Variants in GCDH observed in about 807,000 individuals in gnomAD.
GCDH encodes the protein glutaryl-CoA dehydrogenase, mitochondrial.
A neutral mutation model predicts 52.8 loss-of-function variants in GCDH; 31 were observed. The ratio of observed to expected loss-of-function variants is 0.59; its 90% CI spans 0.44 to 0.79. The LOEUF is 0.79. Ranked by LOEUF, GCDH falls within the 30% of genes least tolerant of loss-of-function variation. GCDH has a pLI of 0.00. For missense variants in GCDH, 509 were observed against 595.0 expected (o/e 0.86, Z 1.50); for synonymous variants, 242 against 250.0 (o/e 0.97, Z 0.30).
At chr19:12,892,313 A>C (rs540674462) in intron 5 of GCDH, 135 bp downstream of exon 5, 155 of 816,172 alleles carry the variant, frequency 1.9e-4, no homozygotes, top group African/African-American at 3.7e-4. Context: ...TTCCCCCCCA[A>C]CAGAGTCTGG....
chr19:12,891,906 G>A lies in GCDH; in HGVS notation c.203G>A (p.Arg68Lys), dbSNP rs1417389111. 6.2e-7 allele frequency: 1 copy of A among 1,614,216 alleles called. No individual in the cohort carries two copies. The highest frequency in any genetic ancestry group is 1.3e-5 in the African/African-American group (1 of 75,060). Residue 68 changes from arginine to lysine, a missense_variant, in exon 4 of 12, where the codon AGG (arginine) becomes AAG (lysine). By Grantham distance (26) the Arg-to-Lys change is conservative. Transcript: ENST00000222214. ...CTGACCACAGATGAGATCCTCATCA[G>A]GGACACCTTCCGCACCTACTGCCAG... ...EQLTTDEILI[R>K]DTFRTYCQER...
intron 6 of GCDH, chr19:12,894,779 A>C (rs1970635998): frequency 1.3e-6 from 1 of 793,478 alleles, no homozygotes; most frequent in African/African-American, 1.8e-5. Context: ...TTTGGCCAAG[A>C]GAATGAAGGA....
chr19:12,899,986 C>T lies in GCDH; in HGVS notation c.*445C>T, dbSNP rs374710434. The stretch of plus-strand genomic sequence containing the variant: ...CACATCTGACCCCAAGGTGTCAGGC[C>T]GGTTTACTGGTAACCACCTGAGAAG... On this transcript the variant is annotated 3_prime_UTR_variant, in exon 12 of 12. Transcript: ENST00000222214. 9.3e-5 allele frequency: 150 copies of T among 1,612,794 alleles called. 2 individuals carry two copies. The highest frequency in any genetic ancestry group is 5.8e-4 in the East Asian group (26 of 44,882).
chr19:12,897,268 C>T (rs752246593), intron 9 of GCDH, 35 bp from the exon 10 acceptor site: 3 of 1,612,722 alleles, frequency 1.9e-6, no homozygotes, highest in Admixed American at 3.3e-5. Flanking sequence ...GAGAGTGGGC[C>T]TCCCCTCGCT....
intron 11 of GCDH, among the ~76,000 whole-genome samples, chr19:12,898,568 GA>G (rs1178414806): frequency 6.6e-6 from 1 of 151,064 alleles, no homozygotes; most frequent in African/African-American, 2.4e-5. Flanking sequence ...TGACCCTGAG[GA>G]CAAGCAGCGG....
chr19:12,892,279 C>G (rs775696524), intron 5 of GCDH, 101 bp downstream of exon 5: 1 of 1,070,570 alleles, frequency 9.3e-7, no homozygotes, highest in South Asian at 1.3e-5. Flanking sequence ...TCTTTCTTTT[C>G]TTTTCCTTTT....
In GCDH at chr19:12,891,301, G is replaced by C. The variant is rs371464666; in HGVS notation, c.-4G>C. 5.1e-5 allele frequency: 82 copies of C among 1,604,822 alleles called. No homozygotes were observed. The African/African-American group carries it at 9.2e-4, about 18-fold the overall frequency. Reference sequence around the variant, plus strand: ...CGTCGTTGCTCCGCTCGCTCTGAGAGAGCATGGCCCTGAGAGGCGTCTCCG... The same window carrying C: ...CGTCGTTGCTCCGCTCGCTCTGAGACAGCATGGCCCTGAGAGGCGTCTCCG... On this transcript the variant is annotated 5_prime_UTR_variant, in exon 2 of 12. Transcript: ENST00000222214.
At position 12,892,189 on chromosome 19, in the gene GCDH, G is replaced by A; in HGVS notation, c.334+11G>A. The A allele has an allele frequency of 1.9e-6, 3 of 1,609,812 alleles. No homozygotes were observed. The highest frequency in any genetic ancestry group is 1.7e-6 in the Non-Finnish European group (2 of 1,176,088). On this transcript the variant is annotated intron_variant, in intron 5 of 11. Transcript: ENST00000222214. ...GCCCCACCATCAAAGGTAGGAACAA[G>A]TATCTCTCCACACACTGCAGAACCC...
Position 12,899,885 on chromosome 19 carries a change from T to C in GCDH, c.*344T>C. 3.0e-6 allele frequency: 3 copies of C among 1,016,800 alleles called. No individual in the cohort carries two copies. The highest frequency in any genetic ancestry group is 3.8e-5 in the East Asian group (1 of 26,172). The allele number at this position is 1,016,800 out of a possible 1,614,324, so 63.0% of individuals were successfully genotyped here. ...CTCACACTGAGTTCACAGTGCGCCC[T>C]CCCTCCCTCCCATCTGGGGGTAGTG... On this transcript the variant is annotated 3_prime_UTR_variant, in exon 12 of 12. Coordinates refer to ENST00000222214, the MANE Select transcript of GCDH (RefSeq NM_000159.4).
In GCDH at chr19:12,893,669, T is replaced by A; in HGVS notation, c.505+16T>A. ...CCCCAGCTGGGTGAGTGGCTGCCCA[T>A]GGGGCCTGGTGGAAGGAAGACAGTC... On this transcript the variant is annotated intron_variant, in intron 6 of 11. Coordinates refer to ENST00000222214, the MANE Select transcript of GCDH (RefSeq NM_000159.4). 6.2e-7 allele frequency: 1 copy of A among 1,608,398 alleles called. No homozygotes were observed. The highest frequency in any genetic ancestry group is 8.5e-7 in the Non-Finnish European group (1 of 1,174,998).
At chr19:12,893,411 C>T (rs1970600810) in intron 5 of GCDH, 72 bp from the exon 6 acceptor site, 7 of 1,350,496 alleles carry the variant, frequency 5.2e-6, no homozygotes, top group Non-Finnish European at 7.4e-6. Context: ...CTTATTCAGC[C>T]CTGTCTCTTG....
upstream of GCDH, chr19:12,891,138 G>A (rs1970543443): frequency 1.6e-6 from 1 of 637,400 alleles, no homozygotes; most frequent in East Asian, 2.7e-5. Flanking sequence ...CCCACTTCTT[G>A]CTGAGGTCAA....
chr19:12,894,749 G>T, intron 6 of GCDH: 1 of 833,796 alleles, frequency 1.2e-6, no homozygotes, highest in Non-Finnish European at 1.8e-6. Flanking sequence ...TAAAGAAGAG[G>T]CTGCAGAATA....
Position 12,893,724 on chromosome 19 carries a change from G to A in GCDH, c.505+71G>A, listed in dbSNP as rs934131055. 5 of 1,370,060 alleles carry A rather than the reference G, an allele frequency of 3.6e-6. No individual in the cohort carries two copies. In the African/African-American group the frequency reaches 5.7e-5, roughly 16 times the overall value. The allele number at this position is 1,370,060 out of a possible 1,614,324, so 84.9% of individuals were successfully genotyped here. A position where few individuals can be genotyped will look rare whatever the true frequency, so the allele number is the denominator to read the frequency against. The stretch of plus-strand genomic sequence containing the variant: ...AGGTCTGGAACTCAAGGGTGGGGCT[G>A]TCCCCTGAGCCTATTCTGTCCCTAT... On this transcript the variant is annotated intron_variant, in intron 6 of 11. Transcript: ENST00000222214.
chr19:12,897,555 T>C lies in GCDH; in HGVS notation c.1082+127T>C, dbSNP rs1568428937. On this transcript the variant is annotated intron_variant, in intron 10 of 11. Transcript: ENST00000222214. ...CCTGAACCTTCTGCTGTCCCTCTTGTCCTTGATGGGCTGGGCTGAGGACAG... is the reference window on the plus strand; with the variant it reads ...CCTGAACCTTCTGCTGTCCCTCTTGCCCTTGATGGGCTGGGCTGAGGACAG... 2.1e-6 allele frequency: 3 copies of C among 1,437,722 alleles called. No homozygotes were observed. In the East Asian group the frequency reaches 6.8e-5, roughly 33 times the overall value. The allele number at this position is 1,437,722 out of a possible 1,614,324, so 89.1% of individuals were successfully genotyped here.
At chr19:12,897,921 G>A (rs1401164086) in intron 11 of GCDH, 58 bp downstream of exon 11, 2 of 1,475,558 alleles carry the variant, frequency 1.4e-6, no homozygotes, top group East Asian at 4.6e-5. Context: ...AGGGGGTACA[G>A]GGAGGTGGGA....
Position 12,891,969 on chromosome 19 carries a change from A to G in GCDH, c.266A>G (p.Asn89Ser). Residue 89 changes from asparagine to serine, a missense_variant, in exon 4 of 12, where the codon AAC becomes AGC. Transcript: ENST00000222214. Reference protein sequence around the residue: ...LMPRILLANRNEVFHREIISE... With the variant: ...LMPRILLANRSEVFHREIISE... ...CCTCGCATCCTGTTGGCCAATCGCA[A>G]CGAAGGTGGGCGGGCTGGTGGGTGC... 3 of 1,614,222 alleles carry G rather than the reference A, an allele frequency of 1.9e-6. No individual in the cohort carries two copies. The South Asian group carries it at 3.3e-5, about 18-fold the overall frequency.
rs1970706192 is a variant in GCDH, at chr19:12,897,299, G to T, written c.957-4G>T. On this transcript the variant is annotated splice_region_variant and splice_polypyrimidine_tract_variant and intron_variant, in intron 9 of 11. Coordinates refer to ENST00000222214, the MANE Select transcript of GCDH (RefSeq NM_000159.4). ...TCGCTCTTACCCTGCCATTGCCCAT[G>T]TAGGATGCAGTTTGGTGTCCCACTG... The T allele has an allele frequency of 6.2e-7, 1 of 1,613,604 alleles. No homozygotes were observed. The highest frequency in any genetic ancestry group is 8.5e-7 in the Non-Finnish European group (1 of 1,179,998).
intron 6 of GCDH, among the ~76,000 whole-genome samples, chr19:12,895,335 C>T (rs1026411165): frequency 6.6e-6 from 1 of 152,160 alleles, no homozygotes; most frequent in African/African-American, 2.4e-5. Flanking sequence ...TCTTGGCTCA[C>T]TGCAACCTGC....
Sources: allele counts gnomAD v4.1 joint callset (sites outside exome capture counted in the v4.1 genomes callset), GRCh38; gene constraint gnomAD v4.1.1; transcripts MANE v1.5; gene names NCBI Gene and HGNC (gene_info 2026-07-23, HGNC 2026-07-21).